Variants in ATPAF2 observed in about 807,000 individuals in gnomAD.
ATPAF2 encodes ATP12 homolog.
Under a neutral mutation model 36.6 loss-of-function variants are expected in ATPAF2, and 30 were observed. The ratio of observed to expected loss-of-function variants is 0.82; its 90% CI spans 0.61 to 1.11. ATPAF2 has a LOEUF of 1.11. ATPAF2 is among the 50% of genes most tolerant of loss of function. The probability of loss-of-function intolerance (pLI) is 0.00; values close to 1 mark genes in which losing one functional copy is unlikely to be tolerated. For synonymous variants in ATPAF2, 140 were observed against 152.6 expected (o/e 0.92, Z 0.61); for missense variants, 321 against 372.3 (o/e 0.86, Z 1.13).
chr17:18,031,886 C>A (rs753935001), intron 1 of ATPAF2, among the ~76,000 whole-genome samples: 1 of 152,252 alleles, frequency 6.6e-6, no homozygotes, highest in South Asian at 2.1e-4. Context: ...TTATCTCATA[C>A]GTTTGACACT....
At chr17:18,026,937 T>C (rs2044554702) in intron 3 of ATPAF2, among the ~76,000 whole-genome samples, 2 of 152,282 alleles carry the variant, frequency 1.3e-5, no homozygotes, top group South Asian at 4.1e-4. Flanking sequence ...ATTATTTTTT[T>C]CGGCCAAGTG....
At position 18,028,699 on chromosome 17, in the gene ATPAF2, G is replaced by A. The variant is rs202123321; in HGVS notation, c.134-40C>T. On this transcript the variant is annotated intron_variant, in intron 1 of 7. Transcript: ENST00000474627. ...TTTCAAAGAGGCAGTTTAAAATAAC[G>A]TTGAGACAACTCAGGAAGCGACAGG... 88 of 1,590,644 alleles carry A rather than the reference G, an allele frequency of 5.5e-5. No individual in the cohort carries two copies. In the African/African-American group the frequency reaches 8.5e-4, roughly 15 times the overall value.
chr17:18,018,417 G>A lies in ATPAF2; in HGVS notation c.*132C>T, dbSNP rs765325833. The stretch of plus-strand genomic sequence containing the variant: ...GTACTAGCGCACTGTGTCTCGGGGG[G>A]AATCTCAGGGTGACGCTGAGGCCGA... On this transcript the variant is annotated 3_prime_UTR_variant, in exon 8 of 8. Coordinates refer to ENST00000474627, the MANE Select transcript of ATPAF2 (RefSeq NM_145691.4). 2,624 of 1,299,874 alleles carry A rather than the reference G, an allele frequency of 2.0e-3. 6 individuals carry two copies. The highest frequency in any genetic ancestry group is 2.7e-3 in the Non-Finnish European group (2,476 of 913,660). 80.5% of individuals were successfully genotyped at this position (1,299,874 alleles called of 1,614,324 possible).
At chr17:18,031,614 A>G (rs1182986753) in intron 1 of ATPAF2, among the ~76,000 whole-genome samples, 1 of 151,940 alleles carries the variant, frequency 6.6e-6, no homozygotes, top group African/African-American at 2.4e-5. Context: ...CCCCATCTCT[A>G]CTAAAAATAC....
downstream of ATPAF2, chr17:18,018,002 C>T (rs1168574103): frequency 5.9e-6 from 1 of 168,508 alleles, no homozygotes; most frequent in African/African-American, 2.4e-5. Flanking sequence ...CAAATAGAAA[C>T]AACCAGCTTA....
chr17:18,027,126 C>T (rs1373933632), intron 3 of ATPAF2, among the ~76,000 whole-genome samples: 3 of 151,332 alleles, frequency 2.0e-5, no homozygotes, highest in East Asian at 1.9e-4. Context: ...GAGGCTGAGA[C>T]GGGAGAATCG....
At chr17:18,028,726 C>T in intron 1 of ATPAF2, 67 bp from the exon 2 acceptor site, 1 of 1,416,342 alleles carries the variant, frequency 7.1e-7, no homozygotes, top group South Asian at 1.2e-5. Context: ...AGCGACAGGA[C>T]CAGCTTGTAT....
chr17:18,028,139 G>T (rs2044574346), intron 3 of ATPAF2, 93 bp downstream of exon 3: 2 of 1,510,878 alleles, frequency 1.3e-6, no homozygotes. Context: ...CAAAGGACCA[G>T]CCCCCAGGGC....
chr17:18,029,501 T>C (rs1427120162), intron 1 of ATPAF2, among the ~76,000 whole-genome samples: 4 of 152,246 alleles, frequency 2.6e-5, no homozygotes, highest in Non-Finnish European at 5.9e-5. Flanking sequence ...CTCAAAGTCT[T>C]TGGAGACCCT....
chr17:18,021,723 C>T (rs760581066), intron 6 of ATPAF2, 22 bp downstream of exon 6: 2 of 1,607,144 alleles, frequency 1.2e-6, no homozygotes, highest in East Asian at 2.2e-5. Flanking sequence ...CCTGCCAAGC[C>T]CACAAGAAAC....
intron 4 of ATPAF2, chr17:18,026,018 G>A (rs2044539685): frequency 2.0e-6 from 1 of 494,482 alleles, no homozygotes. Context: ...TAAGGTCACA[G>A]GCCCCCCTAG....
Position 18,024,715 on chromosome 17 carries a change from G to A in ATPAF2, c.423-11C>T. 7 of 1,608,212 alleles carry A rather than the reference G, an allele frequency of 4.4e-6. No individual in the cohort carries two copies. Among genetic ancestry groups the A allele is most frequent in the Non-Finnish European group, 6.0e-6 (7 of 1,174,706 alleles). On this transcript the variant is annotated splice_polypyrimidine_tract_variant and intron_variant, in intron 4 of 7. Coordinates refer to ENST00000474627, the MANE Select transcript of ATPAF2 (RefSeq NM_145691.4). ...TCCTCCACCCTGTAGCTAATTCATT[G>A]TAAAAATAACCTTCATTAATAAAAA...
At chr17:18,035,123 G>T (rs981953575) in intron 1 of ATPAF2, among the ~76,000 whole-genome samples, 2 of 152,112 alleles carry the variant, frequency 1.3e-5, no homozygotes, top group Admixed American at 6.5e-5. Flanking sequence ...TAGCTACTTG[G>T]GAGGCTGAGG....
chr17:18,018,462 G>A lies in ATPAF2; in HGVS notation c.*87C>T. 1.9e-6 allele frequency: 3 copies of A among 1,584,652 alleles called. No individual in the cohort carries two copies. In the South Asian group the frequency reaches 3.3e-5, roughly 18 times the overall value. ...GGCCGAGTCCCCAAAAGCCAAGGAA[G>A]CCAGCCCCACAGGCTGGGGAGCCCT... On this transcript the variant is annotated 3_prime_UTR_variant, in exon 8 of 8. Transcript: ENST00000474627.
chr17:18,026,188 A>C, intron 4 of ATPAF2, 131 bp downstream of exon 4: 1 of 913,672 alleles, frequency 1.1e-6, no homozygotes, highest in Non-Finnish European at 1.8e-6. Flanking sequence ...GCCAAGTGCC[A>C]AAGTCAAGTG....
rs1184295076 is a variant in ATPAF2, at chr17:18,024,976, C to G, written c.423-272G>C. 10 of 474,148 alleles carry G rather than the reference C, an allele frequency of 2.1e-5. No homozygotes were observed. The East Asian group carries it at 4.2e-4, about 20-fold the overall frequency. 29.4% of individuals were successfully genotyped at this position (474,148 alleles called of 1,614,324 possible). A position where few individuals can be genotyped will look rare whatever the true frequency, so the allele number is the denominator to read the frequency against. On this transcript the variant is annotated intron_variant, in intron 4 of 7. Coordinates refer to ENST00000474627, the MANE Select transcript of ATPAF2 (RefSeq NM_145691.4). ...CCAGCAATCTGTTTTAACAAGCCCT[C>G]TAGGGGATTCTAGTGTAAGCTTGAG... is the stretch of plus-strand genomic sequence containing the variant.
chr17:18,026,321 G>C lies in ATPAF2; in HGVS notation c.420C>G (p.Ile140Met). ...ATGCCCATCTAAATGTCCATTACCA[G>C]ATGGTGTCGGTGTCCAGAAACTTCA... Reference protein sequence around the residue: ...AAVKFLDTDTICYRVEEPETL... With the variant: ...AAVKFLDTDTMCYRVEEPETL... Residue 140 changes from isoleucine to methionine, a missense_variant and splice_region_variant, in exon 4 of 8, where the codon ATC becomes ATG. Physicochemically the swap from Ile to Met is conservative, Grantham distance 10. Around this residue, in one of 3 missense-constraint regions of ATPAF2, gnomAD observed 199 missense variants for 220.6 expected, o/e 0.90. Coordinates refer to ENST00000474627, the MANE Select transcript of ATPAF2 (RefSeq NM_145691.4). The C allele has an allele frequency of 6.2e-7, 1 of 1,613,772 alleles. No individual in the cohort carries two copies.
intron 1 of ATPAF2, 102 bp from the exon 2 acceptor site, chr17:18,028,761 G>A (rs767737054): frequency 1.8e-6 from 2 of 1,119,656 alleles, no homozygotes. Context: ...TTGATTGATT[G>A]GCTTGATTTT....
intron 7 of ATPAF2, among the ~76,000 whole-genome samples, chr17:18,019,187 C>CACACACACACACACA (rs1256217214): frequency 2.0e-4 from 8 of 40,462 alleles, no homozygotes; most frequent in African/African-American, 7.2e-4. Context: ...ACACACACAC[C>CACACACACACACACA]CCACCACCCC....
Sources: allele counts gnomAD v4.1 joint callset (sites outside exome capture counted in the v4.1 genomes callset), GRCh38; gene constraint gnomAD v4.1.1; regional missense constraint gnomAD v4.1.1; transcripts MANE v1.5; gene names NCBI Gene and HGNC (gene_info 2026-07-23, HGNC 2026-07-21).